Variants in HECTD4 observed in about 807,000 individuals in gnomAD.
HECTD4 encodes probable E3 ubiquitin-protein ligase HECTD4.
Under a neutral mutation model 471.5 loss-of-function variants are expected in HECTD4, and 114 were observed. That is an observed-to-expected ratio of 0.24 (90% CI 0.21 to 0.28). HECTD4 has a LOEUF of 0.28. HECTD4 is among the 10% of genes least tolerant of loss of function. HECTD4 has a pLI of 1.00. For synonymous variants in HECTD4, 2,012 were observed against 2,256.0 expected, an observed-to-expected ratio of 0.89 and a Z score of 3.07; for missense variants, 3,866 against 5,651.5, an observed-to-expected ratio of 0.68 and a Z score of 10.13.
At chr12:112,206,673 A>G (rs1466220820) in intron 52 of HECTD4, among the ~76,000 whole-genome samples, 1 of 151,360 alleles carries the variant, frequency 6.6e-6, no homozygotes, top group East Asian at 1.9e-4. Context: ...AGTAACTGGG[A>G]CTACAGGTGC....
chr12:112,258,259 A>G (rs1250547545), intron 20 of HECTD4: 2 of 348,028 alleles, frequency 5.7e-6, no homozygotes, highest in Non-Finnish European at 5.1e-6. Flanking sequence ...CACTATTAGC[A>G]TATGAGAATT....
rs61734965 is a variant in HECTD4, at chr12:112,216,356, C to T, written c.7401G>A (p.Val2467=). Residue 2467 remains valine (V), a synonymous_variant, in exon 48 of 76, where the codon GTG becomes GTA. Coordinates refer to ENST00000682272, the MANE Select transcript of HECTD4 (RefSeq NM_001388303.1). The stretch of plus-strand genomic sequence containing the variant: ...GTAACAAACTGGAGCCATTATAGTG[C>T]ACGGCTCGGCCGTTGCTATGAAAAA... The part of the protein sequence containing the change: ...TCLFHNNGRA[V]HYNGSSLLQW... 1.0e-3 allele frequency: 1,582 copies of T among 1,553,298 alleles called. 12 individuals are homozygous for T. In the African/African-American group the frequency reaches 0.018, roughly 17 times the overall value.
In HECTD4 at chr12:112,169,454, A is replaced by T. The variant is rs1340241817; in HGVS notation, c.12208+49T>A. 2.6e-6 allele frequency: 4 copies of T among 1,547,756 alleles called. No homozygotes were observed. The Admixed American group carries it at 5.7e-5, about 22-fold the overall frequency. ...CTTGGGCAGCTGGGGCTAAGGCTGG[A>T]CACTAAACACAGCTCCTCCAGCGTG... On this transcript the variant is annotated intron_variant, in intron 70 of 75. Coordinates refer to ENST00000682272, the MANE Select transcript of HECTD4 (RefSeq NM_001388303.1).
intron 50 of HECTD4, among the ~76,000 whole-genome samples, chr12:112,209,808 G>A (rs1411953771): frequency 6.6e-6 from 1 of 152,214 alleles, no homozygotes; most frequent in Non-Finnish European, 1.5e-5. Context: ...CAGGCTTCCT[G>A]GAAATGGGGA....
chr12:112,251,476 T>C (rs1478028834), intron 23 of HECTD4, among the ~76,000 whole-genome samples: 1 of 152,232 alleles, frequency 6.6e-6, no homozygotes, highest in Non-Finnish European at 1.5e-5. Context: ...TATTTTGTTT[T>C]TTCACTTCCA....
Position 112,185,253 on chromosome 12 carries a change from C to G in HECTD4, c.9713G>C (p.Gly3238Ala). 1 of 1,549,804 alleles carries G rather than the reference C, an allele frequency of 6.5e-7. No homozygotes were observed. Among genetic ancestry groups the G allele is most frequent in the Non-Finnish European group, 8.7e-7 (1 of 1,146,340 alleles). ...GTCACCGGCCGCCGCCCCCCCGGAG[C>G]CCCCGCAGGCGCCGCCTGAGACCCA... ...QNWVSGGACG[G>A]SGGAAAGDQG... is the part of the protein sequence containing the mutation. Residue 3238 changes from glycine (G) to alanine (A), a missense_variant, in exon 61 of 76, where the codon GGC becomes GCC. Around this residue, in one of 16 missense-constraint regions of HECTD4, gnomAD observed 364 missense variants for 413.2 expected, o/e 0.88. Coordinates refer to ENST00000682272, the MANE Select transcript of HECTD4 (RefSeq NM_001388303.1).
intron 1 of HECTD4, among the ~76,000 whole-genome samples, chr12:112,368,193 G>A (rs2036603346): frequency 6.6e-6 from 1 of 152,212 alleles, no homozygotes; most frequent in South Asian, 2.1e-4. Flanking sequence ...TAGTAAAAGC[G>A]CTAGGGATCC....
intron 34 of HECTD4, among the ~76,000 whole-genome samples, chr12:112,238,624 G>A (rs941447013): frequency 6.6e-6 from 1 of 152,214 alleles, no homozygotes; most frequent in Admixed American, 6.5e-5. Context: ...TACTTGGGAG[G>A]CTGTGGTCGG....
rs747457347 is a variant in HECTD4 at position 112,261,429 on chromosome 12, C to T, written c.2749G>A (p.Glu917Lys). 5 of 1,598,114 alleles carry T rather than the reference C, an allele frequency of 3.1e-6. No individual in the cohort carries two copies. ...SLQGETLKVQ[E>K]LKVSILALAT... Reference sequence around the variant, plus strand: ...AGAGCCAAAATACTGACTTTTAGCTCCTAGGCAGAAAATATCATCATATTA... The same window carrying T: ...AGAGCCAAAATACTGACTTTTAGCTTCTAGGCAGAAAATATCATCATATTA... The change falls in exon 18 of 76, where the codon GAG (glutamate) becomes AAG (lysine). Residue 917 changes from glutamate to lysine, a missense_variant and splice_region_variant. By Grantham distance (56) the Glu-to-Lys change is moderately conservative (BLOSUM62 1). This residue lies in a region of HECTD4 where 525 missense variants were observed against 672.6 expected (regional missense o/e 0.78). Coordinates refer to ENST00000682272, the MANE Select transcript of HECTD4 (RefSeq NM_001388303.1).
intron 44 of HECTD4, 88 bp downstream of exon 44, chr12:112,226,555 T>C (rs990779513): frequency 1.0e-5 from 8 of 776,158 alleles, no homozygotes. Flanking sequence ...TGTGTGTGTA[T>C]GAAGACACTT....
At position 112,213,129 on chromosome 12, in the gene HECTD4, C is replaced by A. The variant is rs1271951749; in HGVS notation, c.7466-479G>T. On this transcript the variant is annotated intron_variant, in intron 48 of 75. Transcript: ENST00000682272. This position sits in a 1 kb window ranked among gnomAD's most constrained non-coding sequence, Gnocchi z 4.0. Reference sequence around the variant, plus strand: ...TGTATTTAGATATAAAGTAACATAACAGAAACAACCCATTTAAAGAAGCTG... The same window carrying A: ...TGTATTTAGATATAAAGTAACATAAAAGAAACAACCCATTTAAAGAAGCTG... 6.6e-6 allele frequency among the ~76,000 whole-genome samples: 1 copy of A among 151,926 alleles called. No homozygotes were observed. Among genetic ancestry groups the A allele is most frequent in the African/African-American group, 2.4e-5 (1 of 41,374 alleles).
chr12:112,270,570 G>T, intron 11 of HECTD4, 111 bp from the exon 12 acceptor site: 1 of 894,570 alleles, frequency 1.1e-6, no homozygotes, highest in Non-Finnish European at 1.8e-6. Flanking sequence ...GGATATTTTG[G>T]CTATAATCTC....
intron 21 of HECTD4, 79 bp from the exon 22 acceptor site, chr12:112,254,241 ATT>A: frequency 6.5e-7 from 1 of 1,538,156 alleles, no homozygotes; most frequent in Non-Finnish European, 8.9e-7. Context: ...CTGCAAAAAC[ATT>A]TGTTTAAAAT....
At position 112,164,095 on chromosome 12, in the gene HECTD4, G is replaced by T; in HGVS notation, c.12701+14C>A. 1 of 1,513,360 alleles carries T rather than the reference G, an allele frequency of 6.6e-7. No homozygotes were observed. 93.7% of individuals were successfully genotyped at this position (1,513,360 alleles called of 1,614,324 possible). A position where few individuals can be genotyped will look rare whatever the true frequency, so the allele number is the denominator to read the frequency against. On this transcript the variant is annotated intron_variant, in intron 73 of 75. Transcript: ENST00000682272. Reference sequence around the variant, plus strand: ...GCCAGCCCCTGCCAGCCCCTGACACGCGCACACACTCACGCCACAAGGATG... The same window carrying T: ...GCCAGCCCCTGCCAGCCCCTGACACTCGCACACACTCACGCCACAAGGATG...
At chr12:112,355,287 CAAAA>C (rs1310033896) in intron 1 of HECTD4, among the ~76,000 whole-genome samples, 29 of 111,424 alleles carry the variant, frequency 2.6e-4, no homozygotes, top group African/African-American at 9.9e-4. Flanking sequence ...AAATGGGATT[CAAAA>C]AAAAAAAAAA....
In HECTD4 at chr12:112,184,829, A is replaced by G; in HGVS notation, c.10137T>C (p.Ser3379=). The change falls in exon 61 of 76, where the codon AGT becomes AGC. Residue 3379 remains serine, a synonymous_variant. Transcript: ENST00000682272. The surrounding 1 kb of genome is among the most constrained non-coding windows in gnomAD (Gnocchi z 9.1). The part of the protein sequence containing the change: ...RKDPQGLGVT[S]DAIADACQAL... ...CCTGGCAGGCATCGGCGATGGCGTC[A>G]CTCGTCACGCCCAGCCCCTGTGGGT... The G allele has an allele frequency of 1.2e-6, 2 of 1,608,438 alleles. No individual in the cohort carries two copies. Among genetic ancestry groups the G allele is most frequent in the South Asian group, 1.1e-5 (1 of 90,522 alleles).
At chr12:112,254,981 C>T (rs1267908963) in intron 21 of HECTD4, among the ~76,000 whole-genome samples, 2 of 152,220 alleles carry the variant, frequency 1.3e-5, no homozygotes, top group African/African-American at 2.4e-5. Flanking sequence ...GCTCTATCTT[C>T]AGCCCTGAAT....
At chr12:112,359,160 G>A (rs572205719) in intron 1 of HECTD4, among the ~76,000 whole-genome samples, 1 of 151,286 alleles carries the variant, frequency 6.6e-6, no homozygotes, top group South Asian at 2.1e-4. Flanking sequence ...TCCAGCCTGG[G>A]CAACAGAGCA....
rs574699719 is a variant in HECTD4, at chr12:112,172,858, G to A, written c.11598C>T (p.Cys3866=). ...GTGCATGTCGGACATCGATGCATGC[G>A]CACCTTGGGGTGGGGACAGGGGGAG... ...SCGYDLHFER[C]ACIDVRHAQK... Residue 3866 remains cysteine (C), a synonymous_variant, in exon 67 of 76, where the codon TGC becomes TGT. Coordinates refer to ENST00000682272, the MANE Select transcript of HECTD4 (RefSeq NM_001388303.1). The A allele has an allele frequency of 2.7e-5, 44 of 1,613,746 alleles. No individual in the cohort carries two copies. The highest frequency in any genetic ancestry group is 1.7e-4 in the Middle Eastern group (1 of 6,060).
Sources: gnomAD v4.1 joint callset for allele counts (sites outside exome capture counted in the v4.1 genomes callset) on GRCh38, gnomAD v4.1.1 for gene constraint, gnomAD v4.1.1 regional missense constraint, Gnocchi (gnomAD v3.1) non-coding constraint, MANE v1.5 for transcripts, NCBI Gene and HGNC (gene_info 2026-07-23, HGNC 2026-07-21) for gene names.